The following DISP3 variants were observed in gnomAD, a reference collection of about 807,000 sequenced individuals.
The protein encoded by DISP3 is dispatched RND transporter family member 3, also known as protein dispatched homolog 3.
A neutral mutation model predicts 135.3 loss-of-function variants in DISP3; 101 were observed. The ratio of observed to expected loss-of-function variants is 0.75; its 90% CI spans 0.64 to 0.88. DISP3 has a LOEUF of 0.88. Among genes scored for constraint, DISP3 ranks in the 40% least tolerant of loss-of-function variants. The pLI is 0.00. For missense variants in DISP3, 1,713 were observed against 1,878.6 expected (o/e 0.91, Z 1.63); for synonymous variants, 856 against 817.0 (o/e 1.05, Z -0.81).
At chr1:11,495,774 C>T (rs1641314601) in intron 1 of DISP3, among the ~76,000 whole-genome samples, 1 of 152,208 alleles carries the variant, frequency 6.6e-6, no homozygotes, top group Non-Finnish European at 1.5e-5. Context: ...CCAGCTCCCC[C>T]TGTCCAAGGT....
chr1:11,512,944 A>G (rs1641899379), intron 3 of DISP3, among the ~76,000 whole-genome samples: 1 of 152,172 alleles, frequency 6.6e-6, no homozygotes, highest in African/African-American at 2.4e-5. Flanking sequence ...AGATAAACCC[A>G]TCAGATCTCG....
Position 11,500,974 on chromosome 1 carries a change from T to A in DISP3, c.-3-16T>A. The A allele has an allele frequency of 6.2e-7, 1 of 1,612,786 alleles. No individual in the cohort carries two copies. Among genetic ancestry groups the A allele is most frequent in the Non-Finnish European group, 8.5e-7 (1 of 1,179,576 alleles). On this transcript the variant is annotated splice_polypyrimidine_tract_variant and intron_variant, in intron 1 of 20. Transcript: ENST00000294484. ...CACTGTCTCTCTAGCCTGCTGACCC[T>A]CTCCCTCTCCTGCAGACTATGGACA... is the stretch of plus-strand genomic sequence containing the variant.
chr1:11,485,025 CA>C (rs1455944542), intron 1 of DISP3, among the ~76,000 whole-genome samples: 1 of 152,008 alleles, frequency 6.6e-6, no homozygotes, highest in East Asian at 1.9e-4. Flanking sequence ...AAAGTAATGG[CA>C]AAACCCCCAA....
chr1:11,530,222 G>A (rs1230558040), intron 15 of DISP3, among the ~76,000 whole-genome samples: 2 of 152,222 alleles, frequency 1.3e-5, no homozygotes, highest in Non-Finnish European at 2.9e-5. Flanking sequence ...TGGAGAGAGG[G>A]CAATCCAGGT....
At chr1:11,498,873 C>T (rs1242015841) in intron 1 of DISP3, among the ~76,000 whole-genome samples, 1 of 152,130 alleles carries the variant, frequency 6.6e-6, no homozygotes, top group Non-Finnish European at 1.5e-5. Context: ...ACACTGCCTG[C>T]CCTAAATCTT....
Position 11,520,993 on chromosome 1 carries a change from C to A in DISP3, c.2362+145C>A. The A allele has an allele frequency of 9.3e-7, 1 of 1,072,626 alleles. No individual in the cohort carries two copies. The highest frequency in any genetic ancestry group is 1.3e-6 in the Non-Finnish European group (1 of 768,236). The allele number at this position is 1,072,626 out of a possible 1,614,324, so 66.4% of individuals were successfully genotyped here. A position where few individuals can be genotyped will look rare whatever the true frequency, so the allele number is the denominator to read the frequency against. The stretch of plus-strand genomic sequence containing the variant: ...TCCCCTCTGAGCCCCCATGTTCCCA[C>A]AGTTCATTCAACAGATGCCTGCTGG... On this transcript the variant is annotated intron_variant, in intron 10 of 20. Coordinates refer to ENST00000294484, the MANE Select transcript of DISP3 (RefSeq NM_020780.2). The surrounding 1 kb of genome is among the most constrained non-coding windows in gnomAD (Gnocchi z 4.8).
At position 11,523,655 on chromosome 1, in the gene DISP3, A is replaced by AGGGGGCAGAGTGGCACAGAGACGGCG. The variant is rs1557616404; in HGVS notation, c.2363-287_2363-286insGGGGGCAGAGTGGCACAGAGACGGCG. The stretch of plus-strand genomic sequence containing the variant: ...GGGGGCAGAGTGGCACAGAGACAGC[A>AGGGGGCAGAGTGGCACAGAGACGGCG]AGCAGGGGGCAGAGTGGCACAGAGA... On this transcript the variant is annotated intron_variant, in intron 10 of 20. Transcript: ENST00000294484. 9.2e-4 allele frequency among the ~76,000 whole-genome samples: 115 copies of AGGGGGCAGAGTGGCACAGAGACGGCG among 125,468 alleles called. 26 individuals carry two copies. Among genetic ancestry groups the AGGGGGCAGAGTGGCACAGAGACGGCG allele is most frequent in the Non-Finnish European group, 3.4e-4 (19 of 55,710 alleles). 82.3% of individuals were successfully genotyped at this position (125,468 alleles called of 152,430 possible).
In DISP3 at chr1:11,536,611, C is replaced by T. The variant is rs1005261154; in HGVS notation, c.4104C>T (p.Ala1368=). ...TGGGTGCCGTGCTGCTGGCAGGGGC[C>T]CTGGGGCTGGGTGCCTGCCTCGTGC... is the stretch of plus-strand genomic sequence containing the variant. ...KALGAVLLAG[A]LGLGACLVLL... The change falls in exon 21 of 21, where the codon GCC becomes GCT. Residue 1368 remains alanine (A), a synonymous_variant. Coordinates refer to ENST00000294484, the MANE Select transcript of DISP3 (RefSeq NM_020780.2). This position sits in a 1 kb window ranked among gnomAD's most constrained non-coding sequence, Gnocchi z 4.3. The T allele has an allele frequency of 6.2e-7, 1 of 1,609,884 alleles. No homozygotes were observed. Among genetic ancestry groups the T allele is most frequent in the Admixed American group, 1.7e-5 (1 of 59,750 alleles).
At chr1:11,522,150 G>C (rs1401626510) in intron 10 of DISP3, among the ~76,000 whole-genome samples, 1 of 152,170 alleles carries the variant, frequency 6.6e-6, no homozygotes. Context: ...ATTTTACAGA[G>C]GGGGAGCAGG....
chr1:11,521,642 G>A (rs1173692224), intron 10 of DISP3, among the ~76,000 whole-genome samples: 1 of 120,846 alleles, frequency 8.3e-6, no homozygotes, highest in Non-Finnish European at 1.7e-5. Flanking sequence ...GAGGGGAGAG[G>A]AGGGAAGGGG....
At chr1:11,534,662 G>A (rs1340669075) in intron 18 of DISP3, 122 bp downstream of exon 18, 2 of 1,289,336 alleles carry the variant, frequency 1.6e-6, no homozygotes, top group Non-Finnish European at 2.1e-6. Context: ...GAGGAAACCG[G>A]GTGGCACGGT....
intron 17 of DISP3, among the ~76,000 whole-genome samples, chr1:11,532,316 A>G (rs1570150681): frequency 6.6e-6 from 1 of 152,340 alleles, no homozygotes; most frequent in East Asian, 1.9e-4. Flanking sequence ...CCTGGGCTCA[A>G]TCGTTGCTGG....
At chr1:11,522,462 C>T (rs1642225145) in intron 10 of DISP3, among the ~76,000 whole-genome samples, 2 of 152,140 alleles carry the variant, frequency 1.3e-5, no homozygotes, top group African/African-American at 4.8e-5. Flanking sequence ...CCATCATCAC[C>T]GCCGCCACAG....
At chr1:11,534,925 C>CA in intron 18 of DISP3, 86 bp from the exon 19 acceptor site, 1 of 1,206,936 alleles carries the variant, frequency 8.3e-7, no homozygotes, top group South Asian at 1.3e-5. Context: ...GTCGGAGTCT[C>CA]AGAGAGGTCA....
In DISP3 at chr1:11,525,171, C is replaced by G. The variant is rs200992848; in HGVS notation, c.2477-5C>G. 1.9e-5 allele frequency: 30 copies of G among 1,613,038 alleles called. No individual in the cohort carries two copies. The highest frequency in any genetic ancestry group is 2.5e-5 in the Non-Finnish European group (30 of 1,179,122). ...ACCCCTCTTTCATCCCTTATTTGTC[C>G]GTAGATTTCCCAGGCACCGTGTACA... On this transcript the variant is annotated splice_region_variant and splice_polypyrimidine_tract_variant and intron_variant, in intron 11 of 20. Coordinates refer to ENST00000294484, the MANE Select transcript of DISP3 (RefSeq NM_020780.2).
chr1:11,536,681 C>G lies in DISP3; in HGVS notation c.4174C>G (p.Leu1392Val), dbSNP rs1175132463. The G allele has an allele frequency of 2.6e-6, 4 of 1,564,458 alleles. No homozygotes were observed. The highest frequency in any genetic ancestry group is 3.5e-6 in the Non-Finnish European group (4 of 1,156,144). Residue 1392 changes from leucine to valine, a missense_variant, in exon 21 of 21, where the codon CTA becomes GTA. Physicochemically the swap from Leu to Val is conservative, Grantham distance 32 (BLOSUM62 1). Coordinates refer to ENST00000294484, the MANE Select transcript of DISP3 (RefSeq NM_020780.2). This position sits in a 1 kb window ranked among gnomAD's most constrained non-coding sequence, Gnocchi z 4.3. ...GATTCCCCTGCCCGCAGGGGCCTCC[C>G]TATAGCCCGGGACGGGCTCTGGACA... is the stretch of plus-strand genomic sequence containing the variant. ...YKIPLPAGAS[L>V]
At position 11,529,985 on chromosome 1, in the gene DISP3, C is replaced by G. The variant is rs775467500; in HGVS notation, c.3102+26C>G. The G allele has an allele frequency of 4.6e-5, 74 of 1,603,438 alleles. 1 individual carries two copies. In the South Asian group the frequency reaches 8.1e-4, roughly 17 times the overall value. On this transcript the variant is annotated intron_variant, in intron 15 of 20. Transcript: ENST00000294484. This position sits in a 1 kb window ranked among gnomAD's most constrained non-coding sequence, Gnocchi z 4.7. ...GTACGGGGCATGCGTCGGGCAGATG[C>G]CGAGGGCCCCAGCTGCAACAGTCTT...
At chr1:11,497,513 C>G (rs1427318802) in intron 1 of DISP3, among the ~76,000 whole-genome samples, 1 of 152,156 alleles carries the variant, frequency 6.6e-6, no homozygotes, top group Non-Finnish European at 1.5e-5. Flanking sequence ...CTCAGCCCCC[C>G]GAGTAGCTGG....
chr1:11,526,672 A>G lies in DISP3; in HGVS notation c.2635A>G (p.Asn879Asp). The change falls in exon 13 of 21, where the codon AAC (asparagine) becomes GAC (aspartate). Residue 879 changes from asparagine (N) to aspartate (D), a missense_variant. Transcript: ENST00000294484. ...SFQVYRAPFG[N>D]FTKKLTACMS... Reference sequence around the variant, plus strand: ...TTAGGTGTATAGAGCGCCTTTTGGTAACTTCACCAAGAAGCTGACCGCTTG... The same window carrying G: ...TTAGGTGTATAGAGCGCCTTTTGGTGACTTCACCAAGAAGCTGACCGCTTG... 1 of 1,614,054 alleles carries G rather than the reference A, an allele frequency of 6.2e-7. No individual in the cohort carries two copies. Among genetic ancestry groups the G allele is most frequent in the Non-Finnish European group, 8.5e-7 (1 of 1,179,930 alleles).
Sources: gnomAD v4.1 joint callset for allele counts (sites outside exome capture counted in the v4.1 genomes callset) on GRCh38, gnomAD v4.1.1 for gene constraint, Gnocchi (gnomAD v3.1) non-coding constraint, MANE v1.5 for transcripts, NCBI Gene and HGNC (gene_info 2026-07-23, HGNC 2026-07-21) for gene names.